CCNY: variants seen among roughly 807,000 people sequenced by gnomAD.
The protein encoded by CCNY is cyclin Y.
CCNY carries 19 observed loss-of-function variants against 42.8 expected under a neutral mutation model. The observed-to-expected ratio is 0.44, with a 90% confidence interval of 0.31 to 0.65. CCNY has a LOEUF of 0.65. Ranked by LOEUF, CCNY falls within the 30% of genes least tolerant of loss-of-function variation. The probability of loss-of-function intolerance (pLI) is 0.07; values close to 1 mark genes in which losing one functional copy is unlikely to be tolerated. For missense variants in CCNY, 370 were observed against 437.3 expected (o/e 0.85, Z 1.37); for synonymous variants, 165 against 162.7 (o/e 1.01, Z -0.11).
At chr10:35,284,503 T>G (rs980639908) in intron 3 of CCNY, among the ~76,000 whole-genome samples, 2 of 152,150 alleles carry the variant, frequency 1.3e-5, no homozygotes, top group African/African-American at 4.8e-5. Flanking sequence ...TATGGGTAAT[T>G]TGTGTTTTAT....
At chr10:35,394,761 T>A in intron 1 of CCNY, 1 of 739,654 alleles carries the variant, frequency 1.4e-6, no homozygotes, top group Non-Finnish European at 1.7e-6. Flanking sequence ...TTTCATTCCT[T>A]ACTTAACCTC....
chr10:35,249,550 C>T (rs561818224), intron 2 of CCNY, among the ~76,000 whole-genome samples: 53 of 152,218 alleles, frequency 3.5e-4, no homozygotes, highest in African/African-American at 1.3e-3. Flanking sequence ...AACCTGAAAG[C>T]AAGAAAATTA....
At chr10:35,472,266 A>G (rs1839406075) in intron 1 of CCNY, among the ~76,000 whole-genome samples, 1 of 152,240 alleles carries the variant, frequency 6.6e-6, no homozygotes, top group Non-Finnish European at 1.5e-5. Context: ...CAATTTGCCC[A>G]AGGCCATAGA....
At position 35,419,699 on chromosome 10, in the gene CCNY, C is replaced by T. The variant is rs549041079; in HGVS notation, c.155-63705C>T. ...CATTTGATATACAACTCAATTAGTC[C>T]TACAGATTGATTTTAACTGCTTTAT... is the stretch of plus-strand genomic sequence containing the variant. On this transcript the variant is annotated intron_variant, in intron 1 of 9. Coordinates refer to ENST00000374704, the MANE Select transcript of CCNY (RefSeq NM_145012.6). Among the ~76,000 whole-genome samples, 5 of 152,114 alleles carry T rather than the reference C, an allele frequency of 3.3e-5. No individual in the cohort carries two copies. In the South Asian group the frequency reaches 1.0e-3, roughly 32 times the overall value.
intron 1 of CCNY, among the ~76,000 whole-genome samples, chr10:35,382,353 C>T (rs1056261313): frequency 3.3e-5 from 5 of 152,174 alleles, no homozygotes; most frequent in South Asian, 2.1e-4. Context: ...GAGCTCCTGC[C>T]GGCTCCTTTG....
chr10:35,341,001 T>C (rs538076473), intron 1 of CCNY, among the ~76,000 whole-genome samples: 28 of 152,310 alleles, frequency 1.8e-4, no homozygotes, highest in Admixed American at 1.4e-3. Flanking sequence ...GTCTCCCTGC[T>C]TCCACCCTTG....
intron 1 of CCNY, among the ~76,000 whole-genome samples, chr10:35,464,453 C>T (rs1839216593): frequency 6.6e-6 from 1 of 152,118 alleles, no homozygotes; most frequent in African/African-American, 2.4e-5. Flanking sequence ...TCTGGTCACT[C>T]CACTCCTTCA....
At chr10:35,409,510 A>G (rs1423503887) in intron 1 of CCNY, among the ~76,000 whole-genome samples, 1 of 152,192 alleles carries the variant, frequency 6.6e-6, no homozygotes, top group Non-Finnish European at 1.5e-5. Context: ...CTGTGAACAG[A>G]AAAAAGACTG....
chr10:35,520,860 C>T (rs1407501859), intron 4 of CCNY, among the ~76,000 whole-genome samples: 1 of 152,140 alleles, frequency 6.6e-6, no homozygotes, highest in Non-Finnish European at 1.5e-5. Context: ...GCCAACCCCT[C>T]CCCACCAAGT....
At position 35,272,956 on chromosome 10, in the gene CCNY, G is replaced by T. The variant is rs147270020; in HGVS notation, c.-9+22330G>T. ...TTTTTTTTTTGACTTTTTAATAATG[G>T]TCACTCTGACTGGTGTGAGATGGTA... On this transcript the variant is annotated intron_variant, in intron 3 of 11. Coordinates refer to the CCNY transcript ENST00000374706. 3.5e-3 allele frequency among the ~76,000 whole-genome samples: 534 copies of T among 150,720 alleles called. 4 individuals are homozygous for T. The highest frequency in any genetic ancestry group is 0.012 in the African/African-American group (506 of 41,012).
intron 4 of CCNY, among the ~76,000 whole-genome samples, chr10:35,522,457 C>G (rs1250424114): frequency 6.6e-6 from 1 of 152,196 alleles, no homozygotes; most frequent in Non-Finnish European, 1.5e-5. Context: ...CTCCTGGGAG[C>G]TGCCTTTAGA....
intron 1 of CCNY, among the ~76,000 whole-genome samples, chr10:35,352,811 G>A (rs1424198845): frequency 6.6e-6 from 1 of 152,194 alleles, no homozygotes; most frequent in African/African-American, 2.4e-5. Context: ...TTAGTGAGGG[G>A]AAAGAGTGGT....
intron 3 of CCNY, among the ~76,000 whole-genome samples, chr10:35,330,253 T>C: frequency 6.6e-6 from 1 of 152,368 alleles, no homozygotes; most frequent in African/African-American, 2.4e-5. Context: ...GTTCTGGGAA[T>C]ACTGAAGAAG....
At chr10:35,544,131 G>A (rs545140162) in intron 7 of CCNY, among the ~76,000 whole-genome samples, 2 of 152,138 alleles carry the variant, frequency 1.3e-5, no homozygotes, top group East Asian at 1.9e-4. Flanking sequence ...ATTTAATAGA[G>A]CCTAAATGTA....
chr10:35,341,092 G>A (rs1183157154), intron 1 of CCNY, among the ~76,000 whole-genome samples: 1 of 152,102 alleles, frequency 6.6e-6, no homozygotes, highest in East Asian at 1.9e-4. Context: ...ACTCAAAAAC[G>A]GCAGTGACTC....
chr10:35,306,087 T>G (rs1317996028), intron 3 of CCNY, among the ~76,000 whole-genome samples: 1 of 152,174 alleles, frequency 6.6e-6, no homozygotes, highest in Non-Finnish European at 1.5e-5. Context: ...CAGCCTGGAG[T>G]GCAGTGGTGC....
intron 3 of CCNY, among the ~76,000 whole-genome samples, chr10:35,257,916 T>C (rs1565054429): frequency 6.6e-6 from 1 of 152,236 alleles, no homozygotes; most frequent in Non-Finnish European, 1.5e-5. Flanking sequence ...AGATTCTGTT[T>C]ACTTTTCTTC....
intron 1 of CCNY, among the ~76,000 whole-genome samples, chr10:35,459,307 G>A (rs1004280956): frequency 2.6e-5 from 4 of 151,762 alleles, no homozygotes; most frequent in African/African-American, 7.3e-5. Context: ...AGCTTGTCCA[G>A]CCTGCAGCCT....
chr10:35,510,104 C>G (rs1840294863), intron 3 of CCNY, among the ~76,000 whole-genome samples: 1 of 152,060 alleles, frequency 6.6e-6, no homozygotes, highest in South Asian at 2.1e-4. Flanking sequence ...AGTTTGCCCT[C>G]CTTAAGATTA....
Sources: gnomAD v4.1 joint callset for allele counts (sites outside exome capture counted in the v4.1 genomes callset) on GRCh38, gnomAD v4.1.1 for gene constraint, MANE v1.5 for transcripts, NCBI Gene and HGNC (gene_info 2026-07-23, HGNC 2026-07-21) for gene names.